Variants in KHDRBS2 observed in about 807,000 individuals in gnomAD.
KHDRBS2 encodes the protein KH domain-containing, RNA-binding, signal transduction-associated protein 2.
Under a neutral mutation model 44.3 loss-of-function variants are expected in KHDRBS2, and 26 were observed. That is an observed-to-expected ratio of 0.59 (90% CI 0.43 to 0.81). The LOEUF is 0.81. Ranked by LOEUF, KHDRBS2 falls within the 40% of genes least tolerant of loss-of-function variation. The pLI is 0.00. For synonymous variants in KHDRBS2, 194 were observed against 151.1 expected, an observed-to-expected ratio of 1.28 and a Z score of -2.08; for missense variants, 476 against 433.1, an observed-to-expected ratio of 1.10 and a Z score of -0.88.
chr6:61,684,959 T>C (rs1361323850), intron 8 of KHDRBS2, among the ~76,000 whole-genome samples: 1 of 151,628 alleles, frequency 6.6e-6, no homozygotes, highest in Non-Finnish European at 1.5e-5. Context: ...TTTTTATTTA[T>C]TGAAGATCTC....
chr6:61,938,344 A>G (rs1307630477), intron 4 of KHDRBS2, among the ~76,000 whole-genome samples: 1 of 152,158 alleles, frequency 6.6e-6, no homozygotes, highest in African/African-American at 2.4e-5. Flanking sequence ...TAGGAAAGCC[A>G]TAGAGTTAGG....
Position 61,935,330 on chromosome 6 carries a change from A to G in KHDRBS2, c.484-33959T>C, listed in dbSNP as rs571560160. 3.3e-5 allele frequency among the ~76,000 whole-genome samples: 5 copies of G among 152,280 alleles called. No homozygotes were observed. In the East Asian group the frequency reaches 9.6e-4, roughly 29 times the overall value. ...GACCATTGCCAGTATCACCTCTGTC[A>G]AGTCTGTCCTGGACTAACAACAGGA... On this transcript the variant is annotated intron_variant, in intron 4 of 8. Coordinates refer to ENST00000281156, the MANE Select transcript of KHDRBS2 (RefSeq NM_152688.4).
chr6:62,198,150 T>G (rs1281439644), intron 1 of KHDRBS2, among the ~76,000 whole-genome samples: 2 of 151,844 alleles, frequency 1.3e-5, no homozygotes. Context: ...GATCTAAAAT[T>G]GACACCCTAA....
chr6:62,185,558 A>T (rs954783153), intron 1 of KHDRBS2, among the ~76,000 whole-genome samples: 1 of 152,010 alleles, frequency 6.6e-6, no homozygotes, highest in African/African-American at 2.4e-5. Flanking sequence ...ATCAGTGCTA[A>T]ATAATATTAA....
At chr6:61,800,483 A>G (rs1786080065) in intron 6 of KHDRBS2, among the ~76,000 whole-genome samples, 1 of 152,122 alleles carries the variant, frequency 6.6e-6, no homozygotes, top group Non-Finnish European at 1.5e-5. Context: ...TCATGTCCAA[A>G]ATTAACCTGG....
intron 7 of KHDRBS2, among the ~76,000 whole-genome samples, chr6:61,714,614 A>G (rs1771077463): frequency 6.6e-6 from 1 of 151,952 alleles, no homozygotes. Context: ...TTATCACAGC[A>G]CTATTCACTA....
At chr6:62,074,326 C>A (rs1274847899) in intron 2 of KHDRBS2, among the ~76,000 whole-genome samples, 1 of 151,878 alleles carries the variant, frequency 6.6e-6, no homozygotes, top group South Asian at 2.1e-4. Flanking sequence ...AGATCCTGCA[C>A]CCAGCACCAT....
intron 3 of KHDRBS2, among the ~76,000 whole-genome samples, chr6:62,009,949 A>G (rs1779991348): frequency 6.6e-6 from 1 of 152,148 alleles, no homozygotes; most frequent in South Asian, 2.1e-4. Flanking sequence ...GAGCCCCCAT[A>G]CAGAGTCCTC....
At chr6:62,229,468 T>C (rs1346242438) in intron 1 of KHDRBS2, among the ~76,000 whole-genome samples, 1 of 152,136 alleles carries the variant, frequency 6.6e-6, no homozygotes, top group Admixed American at 6.5e-5. Flanking sequence ...TGTTGGACAT[T>C]GCCCCTCCCC....
chr6:62,183,540 G>C (rs935674991), intron 1 of KHDRBS2, among the ~76,000 whole-genome samples: 4 of 151,442 alleles, frequency 2.6e-5, no homozygotes, highest in African/African-American at 7.3e-5. Context: ...AAAGAGAAGA[G>C]ACAAATTTAC....
intron 2 of KHDRBS2, among the ~76,000 whole-genome samples, chr6:62,067,740 G>A (rs942717174): frequency 6.6e-6 from 1 of 151,226 alleles, no homozygotes; most frequent in African/African-American, 2.4e-5. Context: ...CTACCCATTG[G>A]ACCCCTACAC....
intron 6 of KHDRBS2, among the ~76,000 whole-genome samples, chr6:61,772,613 G>C (rs1278251162): frequency 2.0e-5 from 3 of 151,770 alleles, no homozygotes; most frequent in Admixed American, 6.6e-5. Flanking sequence ...ACTAAACCAG[G>C]AAGAAGTTGA....
the KHDRBS2 span, among the ~76,000 whole-genome samples, chr6:61,597,773 T>TATATACAC: frequency 8.4e-3 from 356 of 42,264 alleles, 35 homozygotes; most frequent in Non-Finnish European, 0.013. Context: ...TATATATATA[T>TATATACAC]ACACCAAGAT....
the KHDRBS2 span, among the ~76,000 whole-genome samples, chr6:61,622,493 C>T: frequency 6.6e-6 from 1 of 152,150 alleles, no homozygotes; most frequent in Non-Finnish European, 1.5e-5. Context: ...TTTATGATTG[C>T]TTGATCAAGT....
chr6:62,188,262 T>C (rs1433241741), intron 1 of KHDRBS2, among the ~76,000 whole-genome samples: 2 of 152,090 alleles, frequency 1.3e-5, no homozygotes, highest in African/African-American at 4.8e-5. Context: ...CTAGAACTTA[T>C]CATCTTGTAT....
At chr6:62,153,877 G>A (rs2150107430) in intron 2 of KHDRBS2, among the ~76,000 whole-genome samples, 1 of 152,280 alleles carries the variant, frequency 6.6e-6, no homozygotes, top group East Asian at 1.9e-4. Context: ...GATTTTAACA[G>A]GAACAGTCTC....
intron 3 of KHDRBS2, among the ~76,000 whole-genome samples, chr6:61,980,338 T>C (rs1773577718): frequency 6.6e-6 from 1 of 152,172 alleles, no homozygotes; most frequent in African/African-American, 2.4e-5. Context: ...TTTGTTCTAC[T>C]CCAGGTGCTG....
At chr6:62,223,367 TG>T (rs1831218352) in intron 1 of KHDRBS2, among the ~76,000 whole-genome samples, 1 of 152,130 alleles carries the variant, frequency 6.6e-6, no homozygotes, top group South Asian at 2.1e-4. Flanking sequence ...GCACACAGGT[TG>T]GGGACCCTGG....
chr6:62,021,018 G>A (rs1782185883), intron 3 of KHDRBS2, among the ~76,000 whole-genome samples: 1 of 151,918 alleles, frequency 6.6e-6, no homozygotes, highest in Admixed American at 6.6e-5. Flanking sequence ...AGAAACTATG[G>A]TACATATAAA....
Sources: allele counts gnomAD v4.1 joint callset (sites outside exome capture counted in the v4.1 genomes callset), GRCh38; gene constraint gnomAD v4.1.1; transcripts MANE v1.5; gene names NCBI Gene and HGNC (gene_info 2026-07-23, HGNC 2026-07-21).